Variants in AACS observed in about 807,000 individuals in gnomAD.
AACS encodes the protein acetoacetyl-CoA synthetase.
AACS carries 69 observed loss-of-function variants against 83.1 expected under a neutral mutation model. The observed-to-expected ratio is 0.83, with a 90% CI of 0.68 to 1.01. The LOEUF (loss-of-function observed/expected upper bound fraction) is 1.01. AACS is among the 50% of genes least tolerant of loss of function. AACS has a pLI of 0.00. For missense variants in AACS, 866 were observed against 882.2 expected, an observed-to-expected ratio of 0.98 and a Z score of 0.23; for synonymous variants, 333 against 343.4, an observed-to-expected ratio of 0.97 and a Z score of 0.33.
At chr12:125,124,390 T>C in intron 10 of AACS, 1 of 308,360 alleles carries the variant, frequency 3.2e-6, no homozygotes, top group Non-Finnish European at 6.0e-6. Context: ...ATGGCCTCCT[T>C]TGGTCCCCCA....
chr12:125,107,823 C>T (rs551069967), intron 8 of AACS, among the ~76,000 whole-genome samples: 4 of 152,190 alleles, frequency 2.6e-5, no homozygotes, highest in South Asian at 2.1e-4. Flanking sequence ...ATTAACTGGA[C>T]GTGGTGGCAC....
At position 125,097,991 on chromosome 12, in the gene AACS, C is replaced by A. The variant is rs962945685; in HGVS notation, c.571-4688C>A. Among the ~76,000 whole-genome samples, 3 of 152,252 alleles carry A rather than the reference C, an allele frequency of 2.0e-5. No homozygotes were observed. Among genetic ancestry groups the A allele is most frequent in the Non-Finnish European group, 4.4e-5 (3 of 68,040 alleles). On this transcript the variant is annotated intron_variant, in intron 5 of 17. Transcript: ENST00000316519. The surrounding 1 kb of genome is among the most constrained non-coding windows in gnomAD (Gnocchi z 4.3). ...CGTCGTAGTAGCTTCCGACCAGTCT[C>A]ATTTCTGCTTCTCTCTACTGTACAC...
At chr12:125,131,373 G>A (rs908059917) in intron 14 of AACS, among the ~76,000 whole-genome samples, 5 of 152,002 alleles carry the variant, frequency 3.3e-5, no homozygotes, top group African/African-American at 1.2e-4. Context: ...TACCATGCCT[G>A]GTTAATTTTT....
rs1427160192 is a variant in AACS, at chr12:125,114,550, A to G, written c.989A>G (p.Tyr330Cys). 3 of 1,611,630 alleles carry G rather than the reference A, an allele frequency of 1.9e-6. No individual in the cohort carries two copies. The highest frequency in any genetic ancestry group is 2.7e-5 in the African/African-American group (2 of 74,856). ...NMTSSDILLC[Y>C]TTVGWMMWNW... ...ACCAGCAGTGACATCCTCCTGTGCT[A>G]CACCACGGTAAGGGCTTCCCCAGGT... Residue 330 changes from tyrosine to cysteine, a missense_variant, in exon 9 of 18, where the codon TAC becomes TGC. Coordinates refer to ENST00000316519, the MANE Select transcript of AACS (RefSeq NM_023928.5).
intron 8 of AACS, among the ~76,000 whole-genome samples, chr12:125,110,756 A>C (rs921888929): frequency 1.3e-5 from 2 of 152,172 alleles, no homozygotes; most frequent in East Asian, 3.9e-4. Flanking sequence ...GGAAATATAC[A>C]AGTTCCCTTA....
chr12:125,118,820 CCT>C (rs1326792087), intron 10 of AACS, 55 bp downstream of exon 10: 7 of 1,601,056 alleles, frequency 4.4e-6, no homozygotes, highest in Non-Finnish European at 6.0e-6. Context: ...CAGGAAGGCT[CCT>C]TGGGATCAGA....
rs914676844 is a variant in AACS, at chr12:125,133,857, G to C, written c.1550-146G>C. The C allele has an allele frequency of 2.8e-5, 21 of 760,284 alleles. No homozygotes were observed. The Admixed American group carries it at 4.9e-4, about 18-fold the overall frequency. 47.1% of individuals were successfully genotyped at this position (760,284 alleles called of 1,614,324 possible). A position where few individuals can be genotyped will look rare whatever the true frequency, so the allele number is the denominator to read the frequency against. On this transcript the variant is annotated intron_variant, in intron 14 of 17. Coordinates refer to ENST00000316519, the MANE Select transcript of AACS (RefSeq NM_023928.5). ...GGGCATGTTCCTTGGGGCAGGAACT[G>C]TCTGGCTCCCTCTGGCCCCCAGCCC...
intron 10 of AACS, chr12:125,121,299 G>T (rs1171022691): frequency 6.6e-6 from 1 of 152,490 alleles, no homozygotes; most frequent in Non-Finnish European, 1.5e-5. Flanking sequence ...GCTGGGCGGG[G>T]CAGGACACTT....
intron 17 of AACS, among the ~76,000 whole-genome samples, chr12:125,137,452 G>C (rs1957416957): frequency 1.3e-5 from 2 of 152,252 alleles, no homozygotes; most frequent in Non-Finnish European, 2.9e-5. Context: ...AAAGTGCTGG[G>C]ATTACAGGCG....
At chr12:125,114,367 C>A in intron 8 of AACS, 110 bp from the exon 9 acceptor site, 1 of 794,822 alleles carries the variant, frequency 1.3e-6, no homozygotes, top group South Asian at 1.8e-5. Flanking sequence ...AAATGGGGAT[C>A]TGCTGGGGCT....
intron 3 of AACS, among the ~76,000 whole-genome samples, chr12:125,085,234 C>T (rs1956303769): frequency 6.6e-6 from 1 of 152,192 alleles, no homozygotes; most frequent in African/African-American, 2.4e-5. Context: ...TGTCTATTTC[C>T]TGGAACCACA....
intron 4 of AACS, among the ~76,000 whole-genome samples, chr12:125,089,331 G>A (rs1476837672): frequency 6.6e-6 from 1 of 152,110 alleles, no homozygotes; most frequent in South Asian, 2.1e-4. Context: ...GGGGGAGAAG[G>A]AGGGAAAAAG....
rs769336253 is a variant in AACS at position 125,094,440 on chromosome 12, G to T, written c.570+2917G>T. ...ACTTCTGGTCTCTGTTGATGGAGTC[G>T]CACCGTTGGACTCGTGGGTTCACAC... On this transcript the variant is annotated intron_variant, in intron 5 of 17. Coordinates refer to ENST00000316519, the MANE Select transcript of AACS (RefSeq NM_023928.5). The surrounding 1 kb of genome is among the most constrained non-coding windows in gnomAD (Gnocchi z 4.1). Among the ~76,000 whole-genome samples, 5 of 152,172 alleles carry T rather than the reference G, an allele frequency of 3.3e-5. No individual in the cohort carries two copies. Among genetic ancestry groups the T allele is most frequent in the Admixed American group, 6.5e-5 (1 of 15,272 alleles).
intron 14 of AACS, among the ~76,000 whole-genome samples, chr12:125,131,432 G>T (rs1957327539): frequency 1.3e-5 from 2 of 151,324 alleles, no homozygotes; most frequent in South Asian, 4.2e-4. Flanking sequence ...GGCTGGTCTC[G>T]AACTCTTGAG....
intron 3 of AACS, among the ~76,000 whole-genome samples, chr12:125,085,283 C>A (rs553634927): frequency 1.3e-5 from 2 of 152,280 alleles, no homozygotes; most frequent in Non-Finnish European, 2.9e-5. Context: ...CCTGGAACCA[C>A]GCACACGCAT....
intron 3 of AACS, among the ~76,000 whole-genome samples, chr12:125,083,680 G>A (rs1447123266): frequency 1.3e-5 from 2 of 152,094 alleles, no homozygotes; most frequent in Admixed American, 6.5e-5. Context: ...TTGAGACAGA[G>A]TCTCACTCGG....
intron 5 of AACS, among the ~76,000 whole-genome samples, chr12:125,093,446 G>A (rs565104926): frequency 4.7e-4 from 72 of 152,318 alleles, no homozygotes; most frequent in African/African-American, 1.7e-3. Flanking sequence ...GTCACTCCCC[G>A]CTGACTCCAG....
At chr12:125,103,893 C>T (rs528146389) in intron 7 of AACS, among the ~76,000 whole-genome samples, 5 of 137,330 alleles carry the variant, frequency 3.6e-5, no homozygotes, top group Non-Finnish European at 7.6e-5. Flanking sequence ...GAGGCTGAGG[C>T]AGGAGAATGG....
Position 125,140,074 on chromosome 12 carries a change from C to T in AACS, c.1882-2018C>T, listed in dbSNP as rs750864510. 1.3e-5 allele frequency: 2 copies of T among 152,176 alleles called. No homozygotes were observed. Among genetic ancestry groups the T allele is most frequent in the Non-Finnish European group, 2.9e-5 (2 of 68,074 alleles). The allele number at this position is 152,176 out of a possible 1,614,324, so 9.4% of individuals were successfully genotyped here. ...ACCCAGAATAAAGACCTGGGGACCC[C>T]GCGAGGGTCATGGCCAAGTGGAATG... On this transcript the variant is annotated intron_variant, in intron 17 of 17. Coordinates refer to ENST00000316519, the MANE Select transcript of AACS (RefSeq NM_023928.5). The surrounding 1 kb of genome is among the most constrained non-coding windows in gnomAD (Gnocchi z 5.1).
Sources: allele counts gnomAD v4.1 joint callset (sites outside exome capture counted in the v4.1 genomes callset), GRCh38; gene constraint gnomAD v4.1.1; non-coding constraint Gnocchi (gnomAD v3.1); transcripts MANE v1.5; gene names NCBI Gene and HGNC (gene_info 2026-07-23, HGNC 2026-07-21).